Variants in SIN3A observed in about 807,000 individuals in gnomAD.
The protein encoded by SIN3A is paired amphipathic helix protein Sin3a.
In SIN3A, 14 loss-of-function variants were observed where a neutral mutation model predicts 146.1. The ratio of observed to expected loss-of-function variants is 0.10; its 90% CI spans 0.06 to 0.15. The LOEUF is 0.15. SIN3A is among the 10% of genes least tolerant of loss of function. The pLI is 1.00. For synonymous variants in SIN3A, 572 were observed against 572.0 expected, an observed-to-expected ratio of 1.00 and a Z score of 0.00; for missense variants, 1,028 against 1,576.0, an observed-to-expected ratio of 0.65 and a Z score of 5.89.
Position 75,400,734 on chromosome 15 carries a change from T to C in SIN3A, c.1733A>G (p.Lys578Arg), listed in dbSNP as rs2073395843. Residue 578 changes from lysine (K) to arginine (R), a missense_variant, in exon 11 of 21, where the codon AAA (lysine) becomes AGA (arginine). By Grantham distance (26) the Lys-to-Arg change is conservative. Transcript: ENST00000394947. The stretch of plus-strand genomic sequence containing the variant: ...CTTTGCTAGGGAAGGCCTTACCTCT[T>C]TACAGAGAGGAGTCCGTCCTGTACA... ...PKCTGRTPLC[K>R]EVLNDTWVSF... The C allele has an allele frequency of 1.2e-6, 2 of 1,612,622 alleles. No homozygotes were observed. The highest frequency in any genetic ancestry group is 1.3e-5 in the African/African-American group (1 of 74,878).
chr15:75,451,191 C>G (rs560262531), intron 1 of SIN3A, among the ~76,000 whole-genome samples: 1,789 of 149,488 alleles, frequency 0.012, 15 homozygotes, highest in Middle Eastern at 0.029. Context: ...TGAGCGGCGG[C>G]GCGAGAGCCC....
Position 75,371,738 on chromosome 15 carries a change from C to A in SIN3A, c.*241G>T. The A allele has an allele frequency of 2.0e-6, 1 of 506,120 alleles. No homozygotes were observed. The allele number at this position is 506,120 out of a possible 1,614,324, so 31.4% of individuals were successfully genotyped here. On this transcript the variant is annotated 3_prime_UTR_variant, in exon 21 of 21. Coordinates refer to ENST00000394947, the MANE Select transcript of SIN3A (RefSeq NM_001145358.2). ...GCATGGACTTCCTTCCCCTCCAGGG[C>A]AGGCTATACCCAAAACCCTTTGGGA...
intron 1 of SIN3A, among the ~76,000 whole-genome samples, chr15:75,433,802 C>G (rs539485090): frequency 1.9e-4 from 29 of 152,110 alleles, no homozygotes; most frequent in Admixed American, 3.9e-4. Context: ...GAGCAAGACT[C>G]CATCTCAAAA....
intron 19 of SIN3A, 91 bp from the exon 20 acceptor site, chr15:75,375,963 C>G: frequency 8.1e-7 from 1 of 1,240,598 alleles, no homozygotes; most frequent in Non-Finnish European, 1.2e-6. Flanking sequence ...TATATGCTTG[C>G]ATAGTACTCA....
At chr15:75,373,208 C>T (rs970257252) in intron 20 of SIN3A, among the ~76,000 whole-genome samples, 1 of 152,128 alleles carries the variant, frequency 6.6e-6, no homozygotes. Context: ...CAGGCAGACA[C>T]ACAACACATA....
chr15:75,454,774 G>A (rs2074464985), upstream of SIN3A: 1 of 152,386 alleles, frequency 6.6e-6, no homozygotes, highest in South Asian at 2.1e-4. Context: ...CGGGGGAGGG[G>A]AAGAGAGCAG....
chr15:75,455,683 C>CA (rs1414911672), upstream of SIN3A: 1 of 152,220 alleles, frequency 6.6e-6, no homozygotes, highest in Non-Finnish European at 1.5e-5. Context: ...CCAGGGCCCG[C>CA]AGGGCCCACA....
At chr15:75,392,897 C>A in intron 14 of SIN3A, 82 bp from the exon 15 acceptor site, 1 of 990,606 alleles carries the variant, frequency 1.0e-6, no homozygotes, top group Non-Finnish European at 1.5e-6. Flanking sequence ...GCCATACATC[C>A]CATTATCAAC....
At chr15:75,413,468 C>T (rs1407949809) in intron 4 of SIN3A, among the ~76,000 whole-genome samples, 6 of 152,066 alleles carry the variant, frequency 3.9e-5, no homozygotes, top group Admixed American at 1.3e-4. Flanking sequence ...AGATCATCTA[C>T]GCATTTTAAA....
intron 11 of SIN3A, among the ~76,000 whole-genome samples, 163 bp from the exon 12 acceptor site, chr15:75,400,319 G>A (rs769177921): frequency 7.9e-4 from 120 of 152,354 alleles, no homozygotes; most frequent in Middle Eastern, 6.8e-3. Context: ...AGTAAGAAAA[G>A]GGTGCTGAAT....
At chr15:75,413,338 C>G (rs1277111581) in intron 4 of SIN3A, among the ~76,000 whole-genome samples, 1 of 151,712 alleles carries the variant, frequency 6.6e-6, no homozygotes, top group Non-Finnish European at 1.5e-5. Context: ...CCAGGCTGGT[C>G]TCGAACTCCT....
chr15:75,384,281 C>T lies in SIN3A; in HGVS notation c.3178G>A (p.Asp1060Asn). The T allele has an allele frequency of 6.2e-7, 1 of 1,611,892 alleles. No individual in the cohort carries two copies. Among genetic ancestry groups the T allele is most frequent in the South Asian group, 1.1e-5 (1 of 90,830 alleles). The change falls in exon 17 of 21, where the codon GAT becomes AAT. Residue 1060 changes from aspartate (D) to asparagine (N), a missense_variant. Physicochemically the swap from Asp to Asn is conservative, Grantham distance 23. Transcript: ENST00000394947. Reference sequence around the variant, plus strand: ...ACTCTCACCTTAAAGCAATTCTCATCTGACATTAGCTGCTCAGCTTTCCGC... The same window carrying T: ...ACTCTCACCTTAAAGCAATTCTCATTTGACATTAGCTGCTCAGCTTTCCGC... ...YQRKAEQLMS[D>N]ENCFKLMFIQ...
chr15:75,418,947 C>T (rs966843365), intron 3 of SIN3A, among the ~76,000 whole-genome samples: 3 of 151,530 alleles, frequency 2.0e-5, no homozygotes, highest in East Asian at 2.0e-4. Flanking sequence ...TTAGTAGAGA[C>T]GGGATTTCAC....
upstream of SIN3A, among the ~76,000 whole-genome samples, chr15:75,454,530 G>A (rs976254737): frequency 8.0e-5 from 12 of 150,814 alleles, no homozygotes; most frequent in African/African-American, 2.7e-4. Context: ...ACCCGCCCGC[G>A]GCCGCCATCC....
intron 14 of SIN3A, 63 bp downstream of exon 14, chr15:75,394,617 A>T: frequency 7.3e-7 from 1 of 1,361,250 alleles, no homozygotes; most frequent in African/African-American, 1.5e-5. Context: ...TAATTTCCAG[A>T]AATCAAAGCT....
chr15:75,429,600 A>C (rs992165242), intron 2 of SIN3A, among the ~76,000 whole-genome samples: 1 of 152,302 alleles, frequency 6.6e-6, no homozygotes, highest in East Asian at 1.9e-4. Context: ...GTTGATTTAA[A>C]TTCTGGCACA....
chr15:75,372,783 G>A (rs1171462381), intron 20 of SIN3A, among the ~76,000 whole-genome samples: 4 of 131,272 alleles, frequency 3.0e-5, no homozygotes, highest in African/African-American at 1.2e-4. Context: ...TCGCACCACC[G>A]CACCCCAGCC....
At chr15:75,375,977 C>A in intron 19 of SIN3A, 105 bp from the exon 20 acceptor site, 1 of 1,127,546 alleles carries the variant, frequency 8.9e-7, no homozygotes, top group Non-Finnish European at 1.3e-6. Context: ...GTACTCATCC[C>A]AATTTGTTAA....
chr15:75,450,174 A>G (rs1053258024), intron 1 of SIN3A, among the ~76,000 whole-genome samples: 7 of 151,878 alleles, frequency 4.6e-5, no homozygotes, highest in Non-Finnish European at 1.0e-4. Context: ...TCAAAGTCTG[A>G]GTTCTTAAAA....
Sources: gnomAD v4.1 joint callset for allele counts (sites outside exome capture counted in the v4.1 genomes callset) on GRCh38, gnomAD v4.1.1 for gene constraint, MANE v1.5 for transcripts, NCBI Gene and HGNC (gene_info 2026-07-23, HGNC 2026-07-21) for gene names.